TTC28: variants seen among roughly 807,000 people sequenced by gnomAD.
TTC28 encodes tetratricopeptide repeat protein 28.
Under a neutral mutation model 198.0 loss-of-function variants are expected in TTC28, and 61 were observed. The observed-to-expected ratio is 0.31, with a 90% CI of 0.25 to 0.38. The LOEUF is 0.38. Ranked by LOEUF, TTC28 falls within the 10% of genes least tolerant of loss-of-function variation. The pLI is 1.00. For missense variants in TTC28, 2,678 were observed against 3,164.0 expected, an observed-to-expected ratio of 0.85 and a Z score of 3.69; for synonymous variants, 1,171 against 1,297.8, an observed-to-expected ratio of 0.90 and a Z score of 2.10.
At position 28,032,253 on chromosome 22, in the gene TTC28, ATATATATATATATAGTGT is replaced by A. The variant is rs1939154305; in HGVS notation, c.3933-1905_3933-1888del. ...TATATAAAATATATATATATAAAAT[ATATATATATATATAGTGT>A]GTGTGTGTGTGTGTGTGTGTGTGTA... On this transcript the variant is annotated intron_variant, in intron 12 of 22. Coordinates refer to ENST00000397906, the MANE Select transcript of TTC28 (RefSeq NM_001145418.2). Among the ~76,000 whole-genome samples, 5 of 85,498 alleles carry A rather than the reference ATATATATATATATAGTGT, an allele frequency of 5.8e-5. 1 individual carries two copies. In the South Asian group the frequency reaches 1.2e-3, roughly 21 times the overall value. 56.1% of individuals were successfully genotyped at this position (85,498 alleles called of 152,430 possible). A position where few individuals can be genotyped will look rare whatever the true frequency, so the allele number is the denominator to read the frequency against.
intron 2 of TTC28, among the ~76,000 whole-genome samples, chr22:28,592,164 A>T (rs1363088581): frequency 1.3e-5 from 2 of 151,990 alleles, no homozygotes; most frequent in Non-Finnish European, 2.9e-5. Flanking sequence ...GGACCTGGAG[A>T]GACAGGGTCT....
chr22:28,577,587 G>C (rs1283164457), intron 2 of TTC28, among the ~76,000 whole-genome samples: 2 of 152,046 alleles, frequency 1.3e-5, no homozygotes, highest in African/African-American at 2.4e-5. Flanking sequence ...AGCCATTACT[G>C]TATTGGGATC....
At chr22:27,985,866 G>A (rs1224877923) in intron 21 of TTC28, 1 of 154,954 alleles carries the variant, frequency 6.5e-6, no homozygotes, top group Admixed American at 6.4e-5. Context: ...CTGACAATGG[G>A]GGATCTGCAG....
intron 6 of TTC28, among the ~76,000 whole-genome samples, chr22:28,155,830 CA>C (rs1341825968): frequency 6.6e-6 from 1 of 152,000 alleles, no homozygotes; most frequent in Non-Finnish European, 1.5e-5. Flanking sequence ...ATGTGGCATA[CA>C]ATATGTGGCA....
chr22:27,990,103 C>CG, intron 20 of TTC28, 96 bp from the exon 21 acceptor site: 1 of 1,445,542 alleles, frequency 6.9e-7, no homozygotes, highest in Non-Finnish European at 9.3e-7. Context: ...CTGTCACTGG[C>CG]ATCGCTAATG....
chr22:28,513,777 G>T (rs1324994632), intron 2 of TTC28, among the ~76,000 whole-genome samples: 1 of 151,718 alleles, frequency 6.6e-6, no homozygotes, highest in Non-Finnish European at 1.5e-5. Context: ...TATCTATACA[G>T]ACATATATGT....
At chr22:28,128,556 G>A (rs1157358214) in intron 6 of TTC28, among the ~76,000 whole-genome samples, 1 of 151,770 alleles carries the variant, frequency 6.6e-6, no homozygotes, top group Non-Finnish European at 1.5e-5. Flanking sequence ...TTTTGTTTTT[G>A]AGACAGGGTT....
At chr22:28,490,427 A>T (rs986206418) in intron 2 of TTC28, among the ~76,000 whole-genome samples, 2 of 152,182 alleles carry the variant, frequency 1.3e-5, no homozygotes, top group Non-Finnish European at 2.9e-5. Context: ...GGAATAGAAC[A>T]TGGCAAATTG....
intron 2 of TTC28, among the ~76,000 whole-genome samples, chr22:28,612,972 T>A (rs937309769): frequency 1.3e-5 from 2 of 151,330 alleles, no homozygotes; most frequent in South Asian, 4.2e-4. Flanking sequence ...AGACAAGAAA[T>A]AACTAAGATC....
Position 28,539,584 on chromosome 22 carries a change from C to T in TTC28, c.381+89968G>A, listed in dbSNP as rs560151895. ...CTGGGAGGCTGAGGCTGCAGTGAAC[C>T]GTGATTGAGCCACTGCACATCAGCC... is the stretch of plus-strand genomic sequence containing the variant. On this transcript the variant is annotated intron_variant, in intron 2 of 22. Transcript: ENST00000397906. 7.3e-5 allele frequency among the ~76,000 whole-genome samples: 11 copies of T among 151,550 alleles called. No homozygotes were observed. The East Asian group carries it at 2.1e-3, about 30-fold the overall frequency.
At chr22:28,408,759 A>C (rs774322874) in intron 2 of TTC28, among the ~76,000 whole-genome samples, 5 of 152,210 alleles carry the variant, frequency 3.3e-5, no homozygotes, top group Non-Finnish European at 7.3e-5. Flanking sequence ...ACTACAGGCC[A>C]CCAACATGTG....
chr22:28,433,694 GCAATTGCATATGCTCTC>G (rs1342389775), intron 2 of TTC28, among the ~76,000 whole-genome samples: 3 of 151,982 alleles, frequency 2.0e-5, no homozygotes, highest in Non-Finnish European at 2.9e-5. Flanking sequence ...CTTCTTAAAA[GCAATTGCATATGCTCTC>G]CAGGATATGT....
chr22:28,367,317 A>T (rs2046263611), intron 2 of TTC28, among the ~76,000 whole-genome samples: 1 of 152,122 alleles, frequency 6.6e-6, no homozygotes, highest in African/African-American at 2.4e-5. Context: ...ATGAAAATTA[A>T]ACAAAATGCT....
chr22:28,134,716 G>A (rs9625415), intron 6 of TTC28, among the ~76,000 whole-genome samples: 8,903 of 152,054 alleles, frequency 0.059, 369 homozygotes, highest in South Asian at 0.091. Context: ...CCAAATCTAC[G>A]TCTGACTGGT....
chr22:28,387,649 G>A (rs1233548908), intron 2 of TTC28, among the ~76,000 whole-genome samples: 4 of 152,188 alleles, frequency 2.6e-5, no homozygotes, highest in Non-Finnish European at 5.9e-5. Context: ...CTTCTTTTGA[G>A]AAGTGTCTGT....
chr22:28,514,231 T>C (rs2048740437), intron 2 of TTC28, among the ~76,000 whole-genome samples: 1 of 152,212 alleles, frequency 6.6e-6, no homozygotes, highest in Non-Finnish European at 1.5e-5. Flanking sequence ...TAAATAATAG[T>C]AATGAGAATA....
chr22:28,457,715 T>C (rs1360328588), intron 2 of TTC28, among the ~76,000 whole-genome samples: 2 of 152,206 alleles, frequency 1.3e-5, no homozygotes, highest in African/African-American at 2.4e-5. Flanking sequence ...TCCTTTATTG[T>C]GTGGTAGGAT....
chr22:28,459,480 T>C (rs779225392), intron 2 of TTC28, among the ~76,000 whole-genome samples: 41 of 151,968 alleles, frequency 2.7e-4, no homozygotes, highest in Non-Finnish European at 5.1e-4. Context: ...GGAAGGTGCA[T>C]AGAAGCAGGC....
chr22:28,071,410 T>C (rs1291343727), intron 12 of TTC28, among the ~76,000 whole-genome samples: 3 of 150,762 alleles, frequency 2.0e-5, no homozygotes, highest in African/African-American at 7.3e-5. Context: ...CCATAAAAAA[T>C]GATGAGTTCA....
Sources: gnomAD v4.1 joint callset for allele counts (sites outside exome capture counted in the v4.1 genomes callset) on GRCh38, gnomAD v4.1.1 for gene constraint, MANE v1.5 for transcripts, NCBI Gene and HGNC (gene_info 2026-07-23, HGNC 2026-07-21) for gene names.